The following NRG1 variants were observed in gnomAD, a reference collection of about 807,000 sequenced individuals.
The protein encoded by NRG1 is neuregulin 1.
In NRG1, 18 loss-of-function variants were observed where a neutral mutation model predicts 63.8. The observed-to-expected ratio is 0.28, with a 90% CI of 0.19 to 0.42. NRG1 has a LOEUF of 0.42. NRG1 is among the 10% of genes least tolerant of loss of function. NRG1 has a pLI of 1.00. For missense variants in NRG1, 762 were observed against 814.7 expected (o/e 0.94, Z 0.79); for synonymous variants, 302 against 301.3 (o/e 1.00, Z -0.02).
intron 1 of NRG1, among the ~76,000 whole-genome samples, chr8:32,068,522 A>G (rs1825245574): frequency 6.6e-6 from 1 of 152,172 alleles, no homozygotes; most frequent in African/African-American, 2.4e-5. Context: ...ATTAGGAGAA[A>G]AAGCGGAGGG....
intron 5 of NRG1, among the ~76,000 whole-genome samples, chr8:32,637,675 T>C (rs1851588697): frequency 1.3e-5 from 2 of 152,162 alleles, no homozygotes; most frequent in African/African-American, 4.8e-5. Flanking sequence ...GTAGTTTCTT[T>C]ATTCTATACT....
At chr8:31,723,831 C>T (rs1453271405) in intron 1 of NRG1, among the ~76,000 whole-genome samples, 1 of 152,086 alleles carries the variant, frequency 6.6e-6, no homozygotes, top group African/African-American at 2.4e-5. Flanking sequence ...ATTCGAAGTA[C>T]ATTCAGAAGT....
chr8:32,375,629 C>G (rs1476837408), intron 1 of NRG1, among the ~76,000 whole-genome samples: 1 of 152,106 alleles, frequency 6.6e-6, no homozygotes, highest in Admixed American at 6.5e-5. Context: ...TCAGGTGACC[C>G]AATCAACTGC....
intron 1 of NRG1, chr8:31,639,579 C>G: frequency 4.9e-6 from 7 of 1,434,326 alleles, no homozygotes; most frequent in Non-Finnish European, 6.5e-6. Context: ...AGCATCACTT[C>G]ACACAAAGGA....
intron 1 of NRG1, among the ~76,000 whole-genome samples, chr8:31,867,528 A>G (rs1280637293): frequency 6.6e-6 from 1 of 152,150 alleles, no homozygotes. Flanking sequence ...GTTTATAATT[A>G]TAGCATATAA....
chr8:32,510,790 C>G (rs1470244386), intron 1 of NRG1, among the ~76,000 whole-genome samples: 1 of 152,100 alleles, frequency 6.6e-6, no homozygotes, highest in African/African-American at 2.4e-5. Context: ...TGGCTCCACC[C>G]TCTCTAGTCC....
chr8:32,085,505 GC>G (rs1193236631), intron 1 of NRG1, among the ~76,000 whole-genome samples: 1 of 152,172 alleles, frequency 6.6e-6, no homozygotes, highest in Non-Finnish European at 1.5e-5. Flanking sequence ...TCTTGTCAAT[GC>G]CTTCAGAAGA....
chr8:32,758,397 T>C (rs1006115311), intron 9 of NRG1, among the ~76,000 whole-genome samples: 1 of 151,608 alleles, frequency 6.6e-6, no homozygotes, highest in Non-Finnish European at 1.5e-5. Flanking sequence ...GCCAACATGG[T>C]GAAACCCCAT....
chr8:31,957,393 C>T (rs1804637177), intron 1 of NRG1, among the ~76,000 whole-genome samples: 1 of 152,062 alleles, frequency 6.6e-6, no homozygotes, highest in African/African-American at 2.4e-5. Context: ...GTATGAGTCC[C>T]ATTCTCTTTC....
chr8:32,189,449 G>A (rs1188826621), intron 1 of NRG1, among the ~76,000 whole-genome samples: 1 of 152,138 alleles, frequency 6.6e-6, no homozygotes, highest in Non-Finnish European at 1.5e-5. Flanking sequence ...AAATTGGTAT[G>A]GTATGTAGAA....
rs556059019 is a variant in NRG1 at position 32,044,156 on chromosome 8, A to G, written c.37+404725A>G. Reference sequence around the variant, plus strand: ...AATAAAACAATACTCAGGTTGCTATATCAATATTAGACAAAATAGACTTCA... The same window carrying G: ...AATAAAACAATACTCAGGTTGCTATGTCAATATTAGACAAAATAGACTTCA... On this transcript the variant is annotated intron_variant, in intron 1 of 10. Transcript: ENST00000519301. Among the ~76,000 whole-genome samples the G allele has an allele frequency of 2.6e-5, 4 of 152,076 alleles. No homozygotes were observed. The South Asian group carries it at 8.3e-4, about 31-fold the overall frequency.
chr8:32,561,908 A>G (rs1836481627), intron 1 of NRG1, among the ~76,000 whole-genome samples: 1 of 152,120 alleles, frequency 6.6e-6, no homozygotes, highest in South Asian at 2.1e-4. Context: ...TTTTCCCCAC[A>G]TTATAAGATT....
chr8:31,832,673 T>C (rs1825283676), intron 1 of NRG1, among the ~76,000 whole-genome samples: 1 of 152,196 alleles, frequency 6.6e-6, no homozygotes, highest in Non-Finnish European at 1.5e-5. Flanking sequence ...TTCAATAATT[T>C]CAACAATTTT....
intron 1 of NRG1, among the ~76,000 whole-genome samples, chr8:31,743,104 A>G (rs574578425): frequency 2.0e-5 from 3 of 152,024 alleles, no homozygotes; most frequent in South Asian, 2.1e-4. Context: ...ATCTCCAGGC[A>G]GTATGCAGTC....
At chr8:31,742,481 T>TTTTTTTTTTTAAAA (rs1815391455) in intron 1 of NRG1, among the ~76,000 whole-genome samples, 1 of 134,216 alleles carries the variant, frequency 7.5e-6, no homozygotes, top group Non-Finnish European at 1.6e-5. Context: ...TTTTTTTTTT[T>TTTTTTTTTTTAAAA]AACGAAAGCT....
chr8:31,640,215 G>A lies in NRG1; in HGVS notation c.37+784G>A. ...TGGGATCGGTGCAGGAGCTAGCTCA[G>A]CGCGCCGCGGTGGTGATCGAGGGAA... On this transcript the variant is annotated intron_variant, in intron 1 of 10. Transcript: ENST00000519301. This position sits in a 1 kb window ranked among gnomAD's most constrained non-coding sequence, Gnocchi z 6.3. 8.6e-7 allele frequency: 1 copy of A among 1,166,528 alleles called. No homozygotes were observed. Among genetic ancestry groups the A allele is most frequent in the South Asian group, 4.0e-5 (1 of 25,250 alleles). 72.3% of individuals were successfully genotyped at this position (1,166,528 alleles called of 1,614,324 possible).
chr8:31,936,854 C>T (rs1425846892), intron 1 of NRG1, among the ~76,000 whole-genome samples: 1 of 152,156 alleles, frequency 6.6e-6, no homozygotes, highest in African/African-American at 2.4e-5. Flanking sequence ...GTCATAAGAA[C>T]TTTAATCTGG....
At chr8:32,532,688 A>T (rs1285780409) in intron 1 of NRG1, among the ~76,000 whole-genome samples, 1 of 151,970 alleles carries the variant, frequency 6.6e-6, no homozygotes, top group Non-Finnish European at 1.5e-5. Flanking sequence ...ATTCATAGTG[A>T]GCTAATTTGA....
chr8:32,268,109 C>A (rs1586519071), intron 1 of NRG1, among the ~76,000 whole-genome samples: 1 of 152,136 alleles, frequency 6.6e-6, no homozygotes, highest in East Asian at 1.9e-4. Flanking sequence ...TATTGGGGAA[C>A]CCCACATGGC....
Sources: allele counts gnomAD v4.1 joint callset (sites outside exome capture counted in the v4.1 genomes callset), GRCh38; gene constraint gnomAD v4.1.1; non-coding constraint Gnocchi (gnomAD v3.1); transcripts MANE v1.5; gene names NCBI Gene and HGNC (gene_info 2026-07-23, HGNC 2026-07-21).